The following PSD2 variants were observed in gnomAD, a reference collection of about 807,000 sequenced individuals.
The protein encoded by PSD2 is pleckstrin and Sec7 domain containing 2, also known as PH and SEC7 domain-containing protein 2.
A neutral mutation model predicts 69.8 loss-of-function variants in PSD2; 38 were observed. The observed-to-expected ratio is 0.54, with a 90% confidence interval of 0.42 to 0.71. The LOEUF (loss-of-function observed/expected upper bound fraction) is 0.71. Among genes scored for constraint, PSD2 ranks in the 30% least tolerant of loss-of-function variants. The pLI is 0.00. For synonymous variants in PSD2, 412 were observed against 423.0 expected (o/e 0.97, Z 0.32); for missense variants, 943 against 1,014.5 (o/e 0.93, Z 0.96).
At chr5:139,828,595 T>C (rs888694784) in intron 7 of PSD2, among the ~76,000 whole-genome samples, 4 of 151,822 alleles carry the variant, frequency 2.6e-5, no homozygotes, top group African/African-American at 9.7e-5. Context: ...GTGGCAAGGG[T>C]TTTTCTGCCA....
In PSD2 at chr5:139,830,522, C is replaced by CTTCT. The variant is rs1760549188; in HGVS notation, c.1270-3177_1270-3176insTTTC. Among the ~76,000 whole-genome samples the CTTCT allele has an allele frequency of 1.6e-4, 3 of 19,104 alleles. No homozygotes were observed. The South Asian group carries it at 6.4e-3, about 40-fold the overall frequency. The allele number at this position is 19,104 out of a possible 152,430, so 12.5% of individuals were successfully genotyped here. A position where few individuals can be genotyped will look rare whatever the true frequency, so the allele number is the denominator to read the frequency against. On this transcript the variant is annotated intron_variant, in intron 7 of 14. Transcript: ENST00000274710. Reference sequence around the variant, plus strand: ...TGTGCCATCATGCCCAGCTAATTTTCTTCCTTCCTTCCTTCCTTCCTTCCT... The same window carrying CTTCT: ...TGTGCCATCATGCCCAGCTAATTTTCTTCTTTCCTTCCTTCCTTCCTTCCTTCCT...
the PSD2 span, among the ~76,000 whole-genome samples, chr5:139,751,475 C>A: frequency 2.0e-5 from 3 of 152,154 alleles, no homozygotes; most frequent in Non-Finnish European, 4.4e-5. Flanking sequence ...TCCTCCCACC[C>A]CCTTCAAGTG....
the PSD2 span, among the ~76,000 whole-genome samples, chr5:139,766,925 C>T: frequency 0.14 from 3,504 of 25,052 alleles, 497 homozygotes; most frequent in Middle Eastern, 0.2. Context: ...TCCTTCCTTC[C>T]TTCCCTTCTT....
chr5:139,832,270 TAC>T (rs1433638564), intron 7 of PSD2, among the ~76,000 whole-genome samples: 2 of 152,246 alleles, frequency 1.3e-5, no homozygotes, highest in Non-Finnish European at 2.9e-5. Context: ...ATTGCAAATG[TAC>T]ACACACAGCT....
At chr5:139,795,733 C>CCCCCGCCCTT (rs374733110), upstream of PSD2, 3 of 151,690 alleles carry the variant, frequency 2.0e-5, no homozygotes, top group Non-Finnish European at 2.9e-5. This position sits in a 1 kb window ranked among gnomAD's most constrained non-coding sequence, Gnocchi z 4.5. Flanking sequence ...GCCCGCAGTG[C>CCCCCGCCCTT]CCCCGCCCTT....
the PSD2 span, among the ~76,000 whole-genome samples, chr5:139,747,963 G>T: frequency 6.6e-6 from 1 of 152,278 alleles, no homozygotes; most frequent in Admixed American, 6.5e-5. The surrounding 1 kb of genome is among the most constrained non-coding windows in gnomAD (Gnocchi z 6.7). Flanking sequence ...CCATCACTTT[G>T]AGCAGCCAAA....
At chr5:139,775,069 A>AC in the PSD2 span, among the ~76,000 whole-genome samples, 1 of 152,148 alleles carries the variant, frequency 6.6e-6, no homozygotes, top group East Asian at 1.9e-4. Context: ...TCTGGCGCCC[A>AC]CCACCAGTCT....
Position 139,814,825 on chromosome 5 carries a change from G to C in PSD2, c.1016+461G>C, listed in dbSNP as rs1483188463. Reference sequence around the variant, plus strand: ...AGCTGAAGGGGCTGAAGCCCCCAAAGCACACACCCTGGCCTTCAGACCAGG... The same window carrying C: ...AGCTGAAGGGGCTGAAGCCCCCAAACCACACACCCTGGCCTTCAGACCAGG... On this transcript the variant is annotated intron_variant, in intron 4 of 14. Coordinates refer to ENST00000274710, the MANE Select transcript of PSD2 (RefSeq NM_032289.4). The surrounding 1 kb of genome is among the most constrained non-coding windows in gnomAD (Gnocchi z 4.4). Among the ~76,000 whole-genome samples the C allele has an allele frequency of 1.3e-5, 2 of 152,110 alleles. No homozygotes were observed. The highest frequency in any genetic ancestry group is 1.3e-4 in the Admixed American group (2 of 15,284).
At chr5:139,742,879 G>T in the PSD2 span, among the ~76,000 whole-genome samples, 1 of 152,232 alleles carries the variant, frequency 6.6e-6, no homozygotes, top group Non-Finnish European at 1.5e-5. Context: ...CCTGGAGTGG[G>T]AGGGGGTCAG....
At chr5:139,799,132 C>T (rs1227636251) in intron 1 of PSD2, among the ~76,000 whole-genome samples, 1 of 152,142 alleles carries the variant, frequency 6.6e-6, no homozygotes, top group Non-Finnish European at 1.5e-5. Context: ...TATTGGCAGG[C>T]ACCTGTTATT....
chr5:139,802,503 G>A (rs1759699957), intron 1 of PSD2, among the ~76,000 whole-genome samples: 1 of 151,422 alleles, frequency 6.6e-6, no homozygotes, highest in Non-Finnish European at 1.5e-5. Flanking sequence ...TTAGCCTGTG[G>A]GCTCCATGAG....
chr5:139,827,695 C>A (rs1457978401), intron 7 of PSD2, among the ~76,000 whole-genome samples: 1 of 152,114 alleles, frequency 6.6e-6, no homozygotes, highest in Non-Finnish European at 1.5e-5. Context: ...ACAATCATGG[C>A]GGAAGGGGAA....
intron 8 of PSD2, 80 bp from the exon 9 acceptor site, chr5:139,835,643 G>A: frequency 7.1e-7 from 1 of 1,413,408 alleles, no homozygotes; most frequent in Non-Finnish European, 1.0e-6. Flanking sequence ...CTCCCTCACT[G>A]TACCCATGTT....
chr5:139,766,935 TTCTTTC>T, the PSD2 span, among the ~76,000 whole-genome samples: 13 of 71,226 alleles, frequency 1.8e-4, no homozygotes, highest in Admixed American at 1.1e-3. Flanking sequence ...CTTCCCTTCT[TTCTTTC>T]TTTCTTTCTT....
At chr5:139,813,179 A>G in intron 2 of PSD2, 130 bp from the exon 3 acceptor site, 1 of 690,618 alleles carries the variant, frequency 1.4e-6, no homozygotes, top group Non-Finnish European at 2.4e-6. Flanking sequence ...GTATTGGCTG[A>G]AGGGATAAGT....
At chr5:139,754,496 C>T in the PSD2 span, among the ~76,000 whole-genome samples, 1 of 151,584 alleles carries the variant, frequency 6.6e-6, no homozygotes, top group Non-Finnish European at 1.5e-5. Context: ...AGTTCGAGCT[C>T]CAGCCTGGGC....
intron 7 of PSD2, among the ~76,000 whole-genome samples, chr5:139,830,616 TTCTTTCTTTC>T (rs148031739): frequency 1.3e-3 from 122 of 90,422 alleles, no homozygotes; most frequent in African/African-American, 5.7e-3. Flanking sequence ...TTCTCTTTCT[TTCTTTCTTTC>T]TCTTTCTTTC....
At chr5:139,770,589 A>C in the PSD2 span, among the ~76,000 whole-genome samples, 2 of 152,126 alleles carry the variant, frequency 1.3e-5, no homozygotes, top group South Asian at 2.1e-4. Context: ...AACAAACAAA[A>C]AAACATGAAT....
chr5:139,771,861 T>G, the PSD2 span, among the ~76,000 whole-genome samples: 2 of 152,178 alleles, frequency 1.3e-5, no homozygotes, highest in Non-Finnish European at 2.9e-5. Context: ...GCATCTTCAC[T>G]GACCACTGGG....
Sources: gnomAD v4.1 joint callset for allele counts (sites outside exome capture counted in the v4.1 genomes callset) on GRCh38, gnomAD v4.1.1 for gene constraint, Gnocchi (gnomAD v3.1) non-coding constraint, MANE v1.5 for transcripts, NCBI Gene and HGNC (gene_info 2026-07-23, HGNC 2026-07-21) for gene names.